Variants in TENM2 observed in about 807,000 individuals in gnomAD.
TENM2 encodes teneurin transmembrane protein 2.
Under a neutral mutation model 245.2 loss-of-function variants are expected in TENM2, and 52 were observed. The ratio of observed to expected loss-of-function variants is 0.21; its 90% CI spans 0.17 to 0.27. TENM2 has a LOEUF of 0.27. TENM2 is among the 10% of genes least tolerant of loss of function. The probability of loss-of-function intolerance (pLI) is 1.00; values close to 1 mark genes in which losing one functional copy is unlikely to be tolerated. For synonymous variants in TENM2, 1,363 were observed against 1,438.9 expected (o/e 0.95, Z 1.19); for missense variants, 3,046 against 3,666.8 (o/e 0.83, Z 4.37).
chr5:167,067,056 A>G, the TENM2 span, among the ~76,000 whole-genome samples: 96,853 of 152,004 alleles, frequency 0.64, 33,149 homozygotes, highest in African/African-American at 0.91. Flanking sequence ...ATATGTATTC[A>G]TCTAAAACAA....
At chr5:168,154,630 C>T (rs911259672) in intron 12 of TENM2, among the ~76,000 whole-genome samples, 1 of 152,214 alleles carries the variant, frequency 6.6e-6, no homozygotes, top group African/African-American at 2.4e-5. Context: ...TTGTCCCATG[C>T]AGACAGACAT....
At chr5:167,992,602 A>T (rs542203031) in intron 4 of TENM2, among the ~76,000 whole-genome samples, 25 of 152,292 alleles carry the variant, frequency 1.6e-4, no homozygotes, top group African/African-American at 5.1e-4. Context: ...AAGTTTTTTT[A>T]AAAAATAGTA....
chr5:167,551,386 G>A (rs933370015), intron 2 of TENM2, among the ~76,000 whole-genome samples: 1 of 152,086 alleles, frequency 6.6e-6, no homozygotes, highest in Non-Finnish European at 1.5e-5. Context: ...CAAAACATAA[G>A]GCTATAGATT....
intron 2 of TENM2, among the ~76,000 whole-genome samples, chr5:167,846,006 G>T (rs973829274): frequency 9.9e-5 from 15 of 152,084 alleles, no homozygotes; most frequent in East Asian, 1.9e-4. Flanking sequence ...CATCTTCTTC[G>T]CAATGCCCAA....
intron 1 of TENM2, among the ~76,000 whole-genome samples, chr5:167,371,741 G>A (rs997152961): frequency 6.6e-5 from 10 of 151,958 alleles, no homozygotes; most frequent in East Asian, 3.9e-4. Context: ...CTTTTTCCCC[G>A]ATTAGACTGT....
intron 8 of TENM2, among the ~76,000 whole-genome samples, chr5:168,095,779 C>A (rs576794822): frequency 6.6e-6 from 1 of 152,270 alleles, no homozygotes; most frequent in South Asian, 2.1e-4. Context: ...TAATTGCAAG[C>A]TAGCATGTTA....
intron 3 of TENM2, among the ~76,000 whole-genome samples, chr5:167,909,205 G>T (rs970522847): frequency 2.6e-5 from 4 of 151,904 alleles, no homozygotes; most frequent in African/African-American, 7.3e-5. Context: ...ACACACAGAA[G>T]TTTGCTTTGT....
At chr5:167,985,349 A>C (rs1467035591) in intron 4 of TENM2, among the ~76,000 whole-genome samples, 1 of 152,064 alleles carries the variant, frequency 6.6e-6, no homozygotes, top group Non-Finnish European at 1.5e-5. Context: ...CCATGAGTTT[A>C]TTTACTGGGG....
intron 2 of TENM2, among the ~76,000 whole-genome samples, chr5:167,664,114 G>A (rs150801542): frequency 4.0e-4 from 61 of 152,254 alleles, no homozygotes; most frequent in African/African-American, 1.4e-3. Context: ...CCTGAGTTGA[G>A]GGTGCATTCC....
chr5:168,220,172 T>C (rs1177735986), intron 23 of TENM2, among the ~76,000 whole-genome samples: 1 of 152,184 alleles, frequency 6.6e-6, no homozygotes, highest in African/African-American at 2.4e-5. Context: ...TCCTTGGCTC[T>C]CATACCGAAT....
chr5:167,154,754 G>A, the TENM2 span, among the ~76,000 whole-genome samples: 5 of 152,154 alleles, frequency 3.3e-5, no homozygotes, highest in East Asian at 1.9e-4. Flanking sequence ...CTCCGTTCCC[G>A]AATTGCCTTA....
chr5:167,642,923 C>A (rs1024427749), intron 2 of TENM2, among the ~76,000 whole-genome samples: 4 of 152,060 alleles, frequency 2.6e-5, no homozygotes, highest in African/African-American at 9.7e-5. Flanking sequence ...TGGAAATTGC[C>A]CCTACATGTA....
intron 2 of TENM2, among the ~76,000 whole-genome samples, chr5:167,558,642 G>A (rs1773400543): frequency 6.6e-6 from 1 of 152,190 alleles, no homozygotes; most frequent in African/African-American, 2.4e-5. Context: ...ATCTGTCACT[G>A]TCTTCCATCA....
chr5:167,570,647 C>A (rs1430832687), intron 2 of TENM2, among the ~76,000 whole-genome samples: 1 of 152,110 alleles, frequency 6.6e-6, no homozygotes, highest in Non-Finnish European at 1.5e-5. Flanking sequence ...CCTAGGAATG[C>A]CCCCTGGAAT....
At chr5:167,066,759 C>T in the TENM2 span, among the ~76,000 whole-genome samples, 57 of 152,168 alleles carry the variant, frequency 3.7e-4, no homozygotes, top group East Asian at 8.1e-3. Context: ...AAATGAGCCA[C>T]GTACATCCCT....
intron 1 of TENM2, among the ~76,000 whole-genome samples, chr5:167,288,386 T>A (rs1217704535): frequency 1.3e-5 from 2 of 151,956 alleles, no homozygotes; most frequent in East Asian, 3.9e-4. Flanking sequence ...GGTGAAACGC[T>A]ATCTCTACTA....
chr5:166,999,095 C>A, the TENM2 span, among the ~76,000 whole-genome samples: 20 of 151,378 alleles, frequency 1.3e-4, no homozygotes, highest in African/African-American at 4.8e-4. Flanking sequence ...GTTTAAAAAA[C>A]CCTGTTTATT....
chr5:167,667,480 C>T (rs1050699880), intron 2 of TENM2, among the ~76,000 whole-genome samples: 3 of 152,200 alleles, frequency 2.0e-5, no homozygotes, highest in African/African-American at 7.2e-5. Flanking sequence ...GTCCACCCAT[C>T]AGTCAATCAA....
At chr5:167,264,848 T>G in the TENM2 span, among the ~76,000 whole-genome samples, 1 of 152,312 alleles carries the variant, frequency 6.6e-6, no homozygotes, top group Admixed American at 6.5e-5. Context: ...CAGACTGACT[T>G]GTTAGCATCA....
Sources: gnomAD v4.1 joint callset for allele counts (sites outside exome capture counted in the v4.1 genomes callset) on GRCh38, gnomAD v4.1.1 for gene constraint, MANE v1.5 for transcripts, NCBI Gene and HGNC (gene_info 2026-07-23, HGNC 2026-07-21) for gene names.